FKBP15: variants seen among roughly 807,000 people sequenced by gnomAD.
FKBP15 encodes the protein FK506-binding protein 15.
FKBP15 carries 106 observed loss-of-function variants against 158.1 expected under a neutral mutation model. The ratio of observed to expected loss-of-function variants is 0.67; its 90% confidence interval spans 0.57 to 0.79. FKBP15 has a LOEUF of 0.79. Ranked by LOEUF, FKBP15 falls within the 30% of genes least tolerant of loss-of-function variation. The pLI is 0.00. For missense variants in FKBP15, 1,287 were observed against 1,479.1 expected (o/e 0.87, Z 2.13); for synonymous variants, 547 against 548.6 (o/e 1.00, Z 0.04).
At position 113,169,871 on chromosome 9, in the gene FKBP15, T is replaced by TTCC. The variant is rs1409854988; in HGVS notation, c.2837_2838insGGA (p.Glu946dup). ...GTCTTCGTGGCCGCTCTTCTGCTTT[T>TTCC]TCTTCTTCTTCTTCACTGCTGCTCT... On this transcript the variant is annotated inframe_insertion, in exon 26 of 28. Coordinates refer to ENST00000238256, the MANE Select transcript of FKBP15 (RefSeq NM_015258.2). 6.6e-7 allele frequency: 1 copy of TTCC among 1,522,388 alleles called. No individual in the cohort carries two copies. Among genetic ancestry groups the TTCC allele is most frequent in the African/African-American group, 1.6e-5 (1 of 63,900 alleles). 94.3% of individuals were successfully genotyped at this position (1,522,388 alleles called of 1,614,324 possible).
At chr9:113,173,333 G>A in intron 23 of FKBP15, 120 bp downstream of exon 23, 2 of 976,764 alleles carry the variant, frequency 2.0e-6, no homozygotes, top group Non-Finnish European at 2.9e-6. Context: ...AAACAAGTGT[G>A]GTTTTGTCTT....
At chr9:113,208,152 T>C (rs1256968472) in intron 2 of FKBP15, among the ~76,000 whole-genome samples, 2 of 151,948 alleles carry the variant, frequency 1.3e-5, no homozygotes, top group Non-Finnish European at 2.9e-5. Context: ...GCCTGGCCAA[T>C]ATGGTGAAAC....
intron 4 of FKBP15, among the ~76,000 whole-genome samples, chr9:113,203,963 T>C (rs984840798): frequency 3.3e-5 from 5 of 152,268 alleles, no homozygotes; most frequent in African/African-American, 7.2e-5. Context: ...TTTATTGTCA[T>C]GTAGTATTCT....
chr9:113,166,225 G>T, intron 27 of FKBP15, 70 bp from the exon 28 acceptor site: 1 of 1,372,734 alleles, frequency 7.3e-7, no homozygotes, highest in Non-Finnish European at 1.0e-6. Context: ...CCTGTGAGTG[G>T]AAGCAATCCA....
intron 2 of FKBP15, among the ~76,000 whole-genome samples, chr9:113,209,598 C>T (rs1349664907): frequency 6.6e-6 from 1 of 152,198 alleles, no homozygotes; most frequent in Non-Finnish European, 1.5e-5. Flanking sequence ...GGTCTTTGTC[C>T]TTGGTTCCTG....
intron 4 of FKBP15, among the ~76,000 whole-genome samples, chr9:113,204,154 C>T (rs1054663672): frequency 7.2e-5 from 11 of 152,102 alleles, no homozygotes; most frequent in Non-Finnish European, 8.8e-5. Context: ...CTCAGCTTAC[C>T]GCAACCTCCA....
intron 1 of FKBP15, among the ~76,000 whole-genome samples, chr9:113,214,792 C>G (rs953978903): frequency 6.6e-6 from 1 of 152,260 alleles, no homozygotes; most frequent in Non-Finnish European, 1.5e-5. Context: ...GGTGTAGCCA[C>G]CATCACCAGT....
At position 113,171,681 on chromosome 9, in the gene FKBP15, G is replaced by A. The variant is rs750342391; in HGVS notation, c.2558C>T (p.Thr853Ile). Residue 853 changes from threonine to isoleucine, a missense_variant, in exon 24 of 28, where the codon ACA (threonine) becomes ATA (isoleucine). Physicochemically the swap from Thr to Ile is moderately conservative, Grantham distance 89. Coordinates refer to ENST00000238256, the MANE Select transcript of FKBP15 (RefSeq NM_015258.2). The stretch of plus-strand genomic sequence containing the variant: ...CTGTTCATTTTGCTTGGTGAGAGCT[G>A]TGATTTGGGCCTGGAGGGCTAAACA... ...EKCLALQAQI[T>I]ALTKQNEQHI... 3 of 1,599,920 alleles carry A rather than the reference G, an allele frequency of 1.9e-6. No homozygotes were observed. Among genetic ancestry groups the A allele is most frequent in the African/African-American group, 2.7e-5 (2 of 74,718 alleles).
intron 11 of FKBP15, among the ~76,000 whole-genome samples, chr9:113,192,649 G>T (rs976774449): frequency 6.6e-6 from 1 of 152,150 alleles, no homozygotes; most frequent in African/African-American, 2.4e-5. Flanking sequence ...TGTAATGTTA[G>T]CAATACTTAT....
chr9:113,185,478 C>A (rs1185701370), intron 15 of FKBP15, among the ~76,000 whole-genome samples: 1 of 152,186 alleles, frequency 6.6e-6, no homozygotes, highest in African/African-American at 2.4e-5. Context: ...GAAATCCTGA[C>A]CAGTCCAGAA....
In FKBP15 at chr9:113,173,569, C is replaced by G; in HGVS notation, c.2416G>C (p.Glu806Gln). Reference sequence around the variant, plus strand: ...GCCAACAAATGTTCACATTTTGCTTCCCACTGGGTCTGTAGCTCAGCCTGT... The same window carrying G: ...GCCAACAAATGTTCACATTTTGCTTGCCACTGGGTCTGTAGCTCAGCCTGT... ...LVQAELQTQW[E>Q]AKCEHLLASA... The change falls in exon 23 of 28, where the codon GAA becomes CAA. Residue 806 changes from glutamate (E) to glutamine (Q), a missense_variant. Physicochemically the swap from Glu to Gln is conservative, Grantham distance 29. Transcript: ENST00000238256. 3.1e-6 allele frequency: 5 copies of G among 1,613,980 alleles called. No individual in the cohort carries two copies. The highest frequency in any genetic ancestry group is 4.2e-6 in the Non-Finnish European group (5 of 1,179,888).
Position 113,170,708 on chromosome 9 carries a change from GC to G in FKBP15, c.2659-80del. Reference sequence around the variant, plus strand: ...TAAATTCCAGAGAGGTGTATGGAAGGCCAAAATGAAGCCATCTTAGATCTCT... The same window carrying G: ...TAAATTCCAGAGAGGTGTATGGAAGGCAAAATGAAGCCATCTTAGATCTCT... On this transcript the variant is annotated intron_variant, in intron 24 of 27. Coordinates refer to ENST00000238256, the MANE Select transcript of FKBP15 (RefSeq NM_015258.2). 4.8e-6 allele frequency: 5 copies of G among 1,047,950 alleles called. No individual in the cohort carries two copies. In the Admixed American group the frequency reaches 7.1e-5, roughly 15 times the overall value. The allele number at this position is 1,047,950 out of a possible 1,614,324, so 64.9% of individuals were successfully genotyped here.
At chr9:113,207,954 A>G (rs1195701072) in intron 2 of FKBP15, among the ~76,000 whole-genome samples, 1 of 152,206 alleles carries the variant, frequency 6.6e-6, no homozygotes, top group Non-Finnish European at 1.5e-5. Flanking sequence ...TGACAGCTAT[A>G]ATATATGAAA....
rs1244475486 is a variant in FKBP15, at chr9:113,183,754, T to C, written c.1808A>G (p.Gln603Arg). 3.1e-6 allele frequency: 5 copies of C among 1,611,068 alleles called. No homozygotes were observed. Among genetic ancestry groups the C allele is most frequent in the Non-Finnish European group, 3.4e-6 (4 of 1,177,340 alleles). ...CAGGCCCCGTACCTGTCATTACCTC[T>C]GATTTCGTTCAATTAGTTCACTAAT... ...DKISELIERNQRYVEQSNLMM... is the reference protein window; with the variant it reads ...DKISELIERNRRYVEQSNLMM... The change falls in exon 18 of 28, where the codon CAG becomes CGG. Residue 603 changes from glutamine to arginine, a missense_variant. By Grantham distance (43) the Gln-to-Arg change is conservative (BLOSUM62 1). Coordinates refer to ENST00000238256, the MANE Select transcript of FKBP15 (RefSeq NM_015258.2).
chr9:113,204,420 G>A (rs1830851157), intron 4 of FKBP15, among the ~76,000 whole-genome samples: 1 of 152,216 alleles, frequency 6.6e-6, no homozygotes, highest in Non-Finnish European at 1.5e-5. Context: ...CTTAAAGAAT[G>A]TCCTTTAATG....
In FKBP15 at chr9:113,178,655, G is replaced by C. The variant is rs371408703; in HGVS notation, c.2061C>G (p.Leu687=). The part of the protein sequence containing the change: ...LKETDLLRGQ[L]TKVQAKLSEL... The stretch of plus-strand genomic sequence containing the variant: ...CTGAGAGCTTTGCCTGCACTTTGGT[G>C]AGCTGGCCCCTGAGAAGATCTGTCT... Residue 687 remains leucine, a synonymous_variant, in exon 20 of 28, where the codon CTC becomes CTG. Transcript: ENST00000238256. 388 of 1,610,182 alleles carry C rather than the reference G, an allele frequency of 2.4e-4. 3 individuals carry two copies. In the Middle Eastern group the frequency reaches 4.1e-3, roughly 17 times the overall value.
intron 7 of FKBP15, among the ~76,000 whole-genome samples, chr9:113,199,572 A>C (rs1210839203): frequency 6.6e-6 from 1 of 152,204 alleles, no homozygotes; most frequent in East Asian, 1.9e-4. Flanking sequence ...ACTAGCAAAA[A>C]TAATAGTACT....
chr9:113,200,921 G>A (rs745401964), intron 6 of FKBP15, among the ~76,000 whole-genome samples: 6 of 151,888 alleles, frequency 4.0e-5, no homozygotes, highest in Non-Finnish European at 7.4e-5. Flanking sequence ...GTGTGCGCCT[G>A]TAGTCCCAGC....
At chr9:113,218,938 C>T (rs1047906345) in intron 1 of FKBP15, among the ~76,000 whole-genome samples, 1 of 152,178 alleles carries the variant, frequency 6.6e-6, no homozygotes, top group Non-Finnish European at 1.5e-5. Context: ...CCTACACATA[C>T]CTTTATAATC....
Sources: gnomAD v4.1 joint callset for allele counts (sites outside exome capture counted in the v4.1 genomes callset) on GRCh38, gnomAD v4.1.1 for gene constraint, MANE v1.5 for transcripts, NCBI Gene and HGNC (gene_info 2026-07-23, HGNC 2026-07-21) for gene names.